The following PCDHGB2 variants were observed in gnomAD, a reference collection of about 807,000 sequenced individuals.
The protein encoded by PCDHGB2 is protocadherin gamma-B2.
PCDHGB2 carries 55 observed loss-of-function variants against 59.3 expected under a neutral mutation model. The ratio of observed to expected loss-of-function variants is 0.93; its 90% confidence interval spans 0.75 to 1.16. The LOEUF (loss-of-function observed/expected upper bound fraction) is 1.16. Ranked by LOEUF, PCDHGB2 falls within the 50% of genes most tolerant of loss-of-function variation. The pLI, the probability that PCDHGB2 is intolerant of heterozygous loss-of-function variation, is 0.00. For synonymous variants in PCDHGB2, 516 were observed against 512.0 expected (o/e 1.01, Z -0.11); for missense variants, 1,228 against 1,198.5 (o/e 1.02, Z -0.36).
intron 1 of PCDHGB2, chr5:141,364,436 C>T: frequency 6.2e-7 from 1 of 1,613,758 alleles, no homozygotes; most frequent in Non-Finnish European, 8.5e-7. Context: ...CTACTCGATG[C>T]CGGAGGAGCT....
At chr5:141,403,789 C>G (rs1230029917) in intron 1 of PCDHGB2, 1 of 1,613,864 alleles carries the variant, frequency 6.2e-7, no homozygotes. Context: ...AAGTGGCATA[C>G]AAATTCTGGA....
At chr5:141,419,315 C>T in intron 1 of PCDHGB2, 1 of 1,613,998 alleles carries the variant, frequency 6.2e-7, no homozygotes. Flanking sequence ...GCTCAACGGC[C>T]GTGTCTCCTA....
At chr5:141,406,957 G>A (rs184355186) in intron 1 of PCDHGB2, among the ~76,000 whole-genome samples, 69 of 152,242 alleles carry the variant, frequency 4.5e-4, no homozygotes, top group African/African-American at 1.6e-3. Context: ...ACATAGTGTT[G>A]TTTCAAATAG....
intron 1 of PCDHGB2, among the ~76,000 whole-genome samples, chr5:141,436,701 A>C (rs571525375): frequency 6.9e-4 from 105 of 152,332 alleles, no homozygotes; most frequent in Non-Finnish European, 9.4e-4. Context: ...ATGCCAGCAC[A>C]CTCGATGTTC....
intron 3 of PCDHGB2, among the ~76,000 whole-genome samples, chr5:141,509,700 TGGA>T (rs1407159498): frequency 6.6e-6 from 1 of 152,192 alleles, no homozygotes; most frequent in East Asian, 1.9e-4. Flanking sequence ...GACGTTGGAC[TGGA>T]GGTGCTGTCT....
At chr5:141,407,976 G>T (rs1392473551) in intron 1 of PCDHGB2, 2 of 742,146 alleles carry the variant, frequency 2.7e-6, no homozygotes, top group South Asian at 2.3e-5. Flanking sequence ...CTGACGCCGG[G>T]GATCCGTCAG....
At chr5:141,474,044 T>A (rs1442885504) in intron 1 of PCDHGB2, among the ~76,000 whole-genome samples, 3 of 152,162 alleles carry the variant, frequency 2.0e-5, no homozygotes. Context: ...TACTCCAGCC[T>A]GGATGACAGA....
At chr5:141,400,740 G>T in intron 1 of PCDHGB2, 1 of 616,766 alleles carries the variant, frequency 1.6e-6, no homozygotes, top group Non-Finnish European at 2.8e-6. Context: ...GTGAGAGTTT[G>T]CTCTTAGCTT....
intron 1 of PCDHGB2, chr5:141,423,640 T>C: frequency 6.3e-7 from 1 of 1,597,848 alleles, no homozygotes; most frequent in Non-Finnish European, 8.5e-7. Flanking sequence ...TTTAGGCAAA[T>C]GTGACCCGAC....
chr5:141,410,349 G>A, intron 1 of PCDHGB2: 1 of 1,613,994 alleles, frequency 6.2e-7, no homozygotes, highest in Non-Finnish European at 8.5e-7. Flanking sequence ...TTGCGCCTGC[G>A]ACGCTCTCTC....
chr5:141,364,444 G>T (rs763812154), intron 1 of PCDHGB2: 10 of 1,613,956 alleles, frequency 6.2e-6, no homozygotes, highest in Non-Finnish European at 8.5e-6. Context: ...TGCCGGAGGA[G>T]CTGGACAAAG....
At chr5:141,408,927 T>C (rs1220361067) in intron 1 of PCDHGB2, 5 of 1,613,512 alleles carry the variant, frequency 3.1e-6, no homozygotes, top group African/African-American at 1.3e-5. Context: ...CCCCCGGTTT[T>C]CAGCAGAGAC....
At chr5:141,410,636 T>G (rs1050547360) in intron 1 of PCDHGB2, 1 of 1,599,982 alleles carries the variant, frequency 6.3e-7, no homozygotes, top group Admixed American at 1.7e-5. Context: ...TTTCTCTTTT[T>G]TGTGTGTGAT....
At chr5:141,372,044 GT>G in intron 1 of PCDHGB2, 1 of 1,613,502 alleles carries the variant, frequency 6.2e-7, no homozygotes, top group Non-Finnish European at 8.5e-7. Context: ...GCCTGCGCGT[GT>G]TGGTGGACGA....
chr5:141,469,974 T>C (rs1456176152), intron 1 of PCDHGB2, among the ~76,000 whole-genome samples: 1 of 151,864 alleles, frequency 6.6e-6, no homozygotes, highest in African/African-American at 2.4e-5. Context: ...GTACCAAAAA[T>C]ACAAAAATTA....
intron 1 of PCDHGB2, chr5:141,374,110 G>T (rs1402267775): frequency 7.0e-6 from 11 of 1,576,896 alleles, no homozygotes; most frequent in Non-Finnish European, 9.5e-6. Context: ...GGCATCCGCA[G>T]CGCAGCGAGC....
intron 1 of PCDHGB2, among the ~76,000 whole-genome samples, chr5:141,436,720 A>G (rs1337926057): frequency 1.5e-4 from 23 of 152,216 alleles, no homozygotes; most frequent in Non-Finnish European, 3.4e-4. Context: ...TCTGTTGGGA[A>G]AAATAATAAT....
At chr5:141,390,424 T>C (rs1175804708) in intron 1 of PCDHGB2, 23 of 1,041,938 alleles carry the variant, frequency 2.2e-5, no homozygotes, top group Non-Finnish European at 3.0e-5. Flanking sequence ...GTTAAAAAGC[T>C]GTCATATCAT....
chr5:141,420,335 A>G (rs2096490280), intron 1 of PCDHGB2: 1 of 1,403,918 alleles, frequency 7.1e-7, no homozygotes, highest in Non-Finnish European at 9.5e-7. Flanking sequence ...ATATTCCAAT[A>G]TAGTGGTATT....
Sources: gnomAD v4.1 joint callset for allele counts (sites outside exome capture counted in the v4.1 genomes callset) on GRCh38, gnomAD v4.1.1 for gene constraint, MANE v1.5 for transcripts, NCBI Gene and HGNC (gene_info 2026-07-23, HGNC 2026-07-21) for gene names.